The following UNC13B variants were observed in gnomAD, a reference collection of about 807,000 sequenced individuals.
UNC13B encodes protein unc-13 homolog B.
In UNC13B, 144 loss-of-function variants were observed where a neutral mutation model predicts 211.0. That is an observed-to-expected ratio of 0.68 (90% CI 0.60 to 0.78). The LOEUF (loss-of-function observed/expected upper bound fraction) is 0.78, where lower values mean the gene tolerates loss of function less well. Ranked by LOEUF, UNC13B falls within the 30% of genes least tolerant of loss-of-function variation. The probability of loss-of-function intolerance (pLI) is 0.00; values close to 1 mark genes in which losing one functional copy is unlikely to be tolerated. For missense variants in UNC13B, 1,777 were observed against 2,002.0 expected (o/e 0.89, Z 2.14); for synonymous variants, 709 against 725.8 (o/e 0.98, Z 0.37).
Position 35,302,243 on chromosome 9 carries a change from G to A in UNC13B, c.2839G>A (p.Glu947Lys). Reference sequence around the variant, plus strand: ...TGATCTAGGAAAATTTGACAGTACAGAGGAATTTAAAAAGAATGACCAGAT... The same window carrying A: ...TGATCTAGGAAAATTTGACAGTACAAAGGAATTTAAAAAGAATGACCAGAT... ...HSDLGKFDST[E>K]EFKKNDQINC... The change falls in exon 9 of 40, where the codon GAG (glutamate) becomes AAG (lysine). Residue 947 changes from glutamate (E) to lysine (K), a missense_variant. Coordinates refer to ENST00000635942, the MANE Select transcript of UNC13B (RefSeq NM_001371189.2). The A allele has an allele frequency of 2.5e-6, 1 of 398,680 alleles. No individual in the cohort carries two copies. The allele number at this position is 398,680 out of a possible 1,614,324, so 24.7% of individuals were successfully genotyped here.
At chr9:35,379,691 GA>G (rs1472197028) in intron 17 of UNC13B, among the ~76,000 whole-genome samples, 10 of 152,288 alleles carry the variant, frequency 6.6e-5, no homozygotes, top group Admixed American at 4.6e-4. Context: ...ATCCAAAAAT[GA>G]ATAGAACAAT....
chr9:35,248,615 C>G (rs898728418), intron 6 of UNC13B, among the ~76,000 whole-genome samples: 1 of 151,948 alleles, frequency 6.6e-6, no homozygotes, highest in Non-Finnish European at 1.5e-5. Context: ...CATTATGTAC[C>G]CAGTAGTCAT....
chr9:35,202,631 G>C (rs560605156), intron 1 of UNC13B, among the ~76,000 whole-genome samples: 6 of 151,990 alleles, frequency 3.9e-5, no homozygotes, highest in African/African-American at 1.4e-4. Context: ...TTTGATCTTT[G>C]TTGGTTTAAA....
intron 7 of UNC13B, among the ~76,000 whole-genome samples, chr9:35,269,495 T>C (rs1376024728): frequency 6.6e-6 from 1 of 152,150 alleles, no homozygotes; most frequent in African/African-American, 2.4e-5. Flanking sequence ...GTAAGTATGA[T>C]TGGTTAAATC....
rs1416223788 is a variant in UNC13B, at chr9:35,306,844, T to C, written c.7440T>C (p.Ser2480=). ...TAATTGAACCTCCCAAAACACTCTC[T>C]GGACTTTTCTCCTCTCCTAAATCTC... ...GSLIEPPKTL[S]GLFSSPKSPK... Residue 2480 remains serine (S), a synonymous_variant, in exon 9 of 40, where the codon TCT becomes TCC. Transcript: ENST00000635942. The C allele has an allele frequency of 2.5e-5, 10 of 399,094 alleles. No homozygotes were observed. The highest frequency in any genetic ancestry group is 2.1e-4 in the African/African-American group (10 of 48,776). 24.7% of individuals were successfully genotyped at this position (399,094 alleles called of 1,614,324 possible).
At chr9:35,367,921 C>T (rs1833877541) in intron 12 of UNC13B, among the ~76,000 whole-genome samples, 1 of 152,174 alleles carries the variant, frequency 6.6e-6, no homozygotes. Context: ...CTTCCTTTTC[C>T]CTTTTTCCTA....
chr9:35,282,211 A>AT (rs2131731425), intron 7 of UNC13B, among the ~76,000 whole-genome samples: 1 of 152,346 alleles, frequency 6.6e-6, no homozygotes, highest in Non-Finnish European at 1.5e-5. Flanking sequence ...TAGGTAAAAG[A>AT]TAGACCTTTG....
chr9:35,219,034 C>G (rs1284091521), intron 1 of UNC13B, among the ~76,000 whole-genome samples: 1 of 152,174 alleles, frequency 6.6e-6, no homozygotes, highest in Non-Finnish European at 1.5e-5. Context: ...CAGGCGTGAG[C>G]CACTGTGCCC....
chr9:35,287,395 G>C lies in UNC13B; in HGVS notation c.527-8301G>C, dbSNP rs138590340. Among the ~76,000 whole-genome samples, 493 of 152,038 alleles carry C rather than the reference G, an allele frequency of 3.2e-3. 2 individuals carry two copies. Among genetic ancestry groups the C allele is most frequent in the African/African-American group, 0.011 (469 of 41,498 alleles). On this transcript the variant is annotated intron_variant, in intron 7 of 39. Transcript: ENST00000635942. ...GATCTGCCCACCTCAACCTCCCAAA[G>C]TGCTGGGATTACAGGCAAGAGCCAC... is the stretch of plus-strand genomic sequence containing the variant.
At chr9:35,235,003 G>A (rs1439263123) in intron 3 of UNC13B, among the ~76,000 whole-genome samples, 1 of 151,974 alleles carries the variant, frequency 6.6e-6, no homozygotes, top group African/African-American at 2.4e-5. Context: ...CATCTTTCTT[G>A]GATTACCCCT....
chr9:35,250,395 G>A (rs1826391675), intron 6 of UNC13B, among the ~76,000 whole-genome samples: 1 of 152,068 alleles, frequency 6.6e-6, no homozygotes, highest in Admixed American at 6.6e-5. Context: ...CCTATTCTGT[G>A]CATTTCATAT....
chr9:35,396,385 A>G, intron 26 of UNC13B, 91 bp from the exon 27 acceptor site: 1 of 1,528,168 alleles, frequency 6.5e-7, no homozygotes, highest in South Asian at 1.2e-5. Context: ...CATCTGATGG[A>G]GCTGCCTGAC....
chr9:35,188,684 A>G (rs1822492264), intron 1 of UNC13B, among the ~76,000 whole-genome samples: 1 of 152,204 alleles, frequency 6.6e-6, no homozygotes, highest in Non-Finnish European at 1.5e-5. Context: ...AAAATACTTG[A>G]TGTTATGAAA....
chr9:35,251,850 T>C (rs1243019956), intron 6 of UNC13B, among the ~76,000 whole-genome samples: 1 of 152,182 alleles, frequency 6.6e-6, no homozygotes, highest in African/African-American at 2.4e-5. Flanking sequence ...ATCATTTTAC[T>C]TTATTTTATT....
At chr9:35,267,434 GCA>G (rs1827637326) in intron 7 of UNC13B, among the ~76,000 whole-genome samples, 1 of 152,182 alleles carries the variant, frequency 6.6e-6, no homozygotes, top group South Asian at 2.1e-4. Context: ...TCACTTCACT[GCA>G]GTGTCTTTTT....
intron 11 of UNC13B, among the ~76,000 whole-genome samples, chr9:35,314,864 G>A (rs1408608206): frequency 7.8e-6 from 1 of 128,520 alleles, no homozygotes; most frequent in Non-Finnish European, 1.6e-5. Flanking sequence ...CACTTAGGTT[G>A]ATTCCGTATC....
intron 7 of UNC13B, among the ~76,000 whole-genome samples, chr9:35,283,161 C>T (rs1828604531): frequency 6.6e-6 from 1 of 152,124 alleles, no homozygotes; most frequent in Non-Finnish European, 1.5e-5. Flanking sequence ...TATTTTTCCT[C>T]TATGGCACTT....
At chr9:35,249,744 C>T (rs1826343907) in intron 6 of UNC13B, among the ~76,000 whole-genome samples, 2 of 152,296 alleles carry the variant, frequency 1.3e-5, no homozygotes, top group African/African-American at 4.8e-5. Context: ...TGATGGGCTT[C>T]CCTTTGTGGG....
intron 1 of UNC13B, among the ~76,000 whole-genome samples, chr9:35,168,886 T>A (rs1406561590): frequency 6.6e-6 from 1 of 151,848 alleles, no homozygotes; most frequent in Non-Finnish European, 1.5e-5. Flanking sequence ...TTTCCCAGGG[T>A]GGTCTTGAAC....
Sources: gnomAD v4.1 joint callset for allele counts (sites outside exome capture counted in the v4.1 genomes callset) on GRCh38, gnomAD v4.1.1 for gene constraint, MANE v1.5 for transcripts, NCBI Gene and HGNC (gene_info 2026-07-23, HGNC 2026-07-21) for gene names.